Variants in EHBP1 observed in about 807,000 individuals in gnomAD.
The protein encoded by EHBP1 is EH domain binding protein 1.
Under a neutral mutation model 144.0 loss-of-function variants are expected in EHBP1, and 55 were observed. The observed-to-expected ratio is 0.38, with a 90% CI of 0.31 to 0.48. The LOEUF (loss-of-function observed/expected upper bound fraction) is 0.48. Ranked by LOEUF, EHBP1 falls within the 20% of genes least tolerant of loss-of-function variation. The pLI, the probability that EHBP1 is intolerant of heterozygous loss-of-function variation, is 0.98. For synonymous variants in EHBP1, 469 were observed against 472.7 expected, an observed-to-expected ratio of 0.99 and a Z score of 0.10; for missense variants, 1,200 against 1,364.2, an observed-to-expected ratio of 0.88 and a Z score of 1.90.
intron 1 of EHBP1, among the ~76,000 whole-genome samples, chr2:62,686,837 A>G (rs2033734502): frequency 6.6e-6 from 1 of 152,256 alleles, no homozygotes; most frequent in Non-Finnish European, 1.5e-5. Context: ...AAAGTTGTCA[A>G]AAGACCCTGG....
chr2:62,715,021 C>T (rs901519720), intron 2 of EHBP1, among the ~76,000 whole-genome samples: 1 of 152,102 alleles, frequency 6.6e-6, no homozygotes, highest in African/African-American at 2.4e-5. Context: ...CTTAATTTCT[C>T]CAAAGTAGAA....
At chr2:62,964,812 A>C (rs2058167432) in intron 14 of EHBP1, 1 of 152,656 alleles carries the variant, frequency 6.6e-6, no homozygotes, top group Non-Finnish European at 1.5e-5. Context: ...TGGCAATGTA[A>C]ACCACATCCC....
At chr2:62,948,193 G>C (rs1453652554) in intron 12 of EHBP1, 67 bp from the exon 13 acceptor site, 9 of 1,355,152 alleles carry the variant, frequency 6.6e-6, no homozygotes, top group Non-Finnish European at 8.8e-6. Flanking sequence ...TTAAAAATGT[G>C]CTCTTTTTAA....
At chr2:62,896,839 C>A (rs969391910) in intron 10 of EHBP1, among the ~76,000 whole-genome samples, 1 of 152,078 alleles carries the variant, frequency 6.6e-6, no homozygotes, top group African/African-American at 2.4e-5. Context: ...TCCTTTGAAA[C>A]CTCTCTGGTT....
intron 15 of EHBP1, chr2:62,987,779 G>A (rs548623824): frequency 2.4e-5 from 11 of 461,826 alleles, no homozygotes; most frequent in African/African-American, 1.4e-4. Flanking sequence ...TAGTGAAAGA[G>A]TGACTTAAAA....
intron 1 of EHBP1, among the ~76,000 whole-genome samples, chr2:62,689,497 G>A (rs556638302): frequency 1.7e-4 from 26 of 152,198 alleles, no homozygotes; most frequent in African/African-American, 6.3e-4. Flanking sequence ...ACAAAAATTA[G>A]CCGGGCATTG....
At chr2:62,713,051 C>G (rs926302580) in intron 2 of EHBP1, among the ~76,000 whole-genome samples, 1 of 151,946 alleles carries the variant, frequency 6.6e-6, no homozygotes, top group Non-Finnish European at 1.5e-5. Context: ...TATTCCTATT[C>G]CTTGTTAGAG....
chr2:62,767,892 A>C (rs762020397), intron 4 of EHBP1, among the ~76,000 whole-genome samples: 1 of 151,870 alleles, frequency 6.6e-6, no homozygotes, highest in Non-Finnish European at 1.5e-5. Context: ...ATGCATTTAC[A>C]TGGAAATTAA....
intron 6 of EHBP1, among the ~76,000 whole-genome samples, chr2:62,826,974 G>A (rs1271035688): frequency 2.0e-5 from 3 of 152,214 alleles, no homozygotes; most frequent in African/African-American, 7.2e-5. Context: ...GTACCTACAT[G>A]GAGTGGAAGA....
chr2:62,711,998 T>TG (rs899454204), intron 2 of EHBP1, among the ~76,000 whole-genome samples: 9 of 152,152 alleles, frequency 5.9e-5, no homozygotes, highest in African/African-American at 2.2e-4. Context: ...AGGTAATACT[T>TG]GGAGAGAGAC....
intron 7 of EHBP1, among the ~76,000 whole-genome samples, chr2:62,834,827 G>A (rs561889488): frequency 2.4e-4 from 37 of 152,214 alleles, no homozygotes; most frequent in African/African-American, 6.3e-4. Flanking sequence ...TATGGAGGGC[G>A]CACTTTTCAT....
chr2:62,818,905 A>C (rs2045655673), intron 5 of EHBP1, among the ~76,000 whole-genome samples: 1 of 152,230 alleles, frequency 6.6e-6, no homozygotes, highest in Non-Finnish European at 1.5e-5. Context: ...ATTGTACTTT[A>C]GTAAATTTGA....
chr2:62,732,173 T>A (rs189671), intron 2 of EHBP1, among the ~76,000 whole-genome samples: 48,371 of 152,036 alleles, frequency 0.32, 7,743 homozygotes, highest in Middle Eastern at 0.44. Flanking sequence ...TTGTGTTTGA[T>A]TTTCTGTAGT....
intron 19 of EHBP1, among the ~76,000 whole-genome samples, chr2:63,002,344 T>C (rs1195673971): frequency 6.6e-6 from 1 of 152,182 alleles, no homozygotes; most frequent in Non-Finnish European, 1.5e-5. Flanking sequence ...AGTAGATATA[T>C]ATGTACACTT....
intron 19 of EHBP1, among the ~76,000 whole-genome samples, chr2:63,020,882 T>C (rs1008230140): frequency 2.0e-5 from 3 of 151,828 alleles, no homozygotes; most frequent in Non-Finnish European, 4.4e-5. Context: ...TTCACCATGT[T>C]GGCCAGGATG....
intron 1 of EHBP1, among the ~76,000 whole-genome samples, chr2:62,683,619 A>C (rs1442913026): frequency 1.4e-5 from 2 of 139,176 alleles, no homozygotes; most frequent in Non-Finnish European, 3.0e-5. Flanking sequence ...AGATCGCGCC[A>C]CTGCACTCCA....
At chr2:63,024,214 G>A (rs866241498) in intron 19 of EHBP1, among the ~76,000 whole-genome samples, 2 of 152,078 alleles carry the variant, frequency 1.3e-5, no homozygotes, top group Non-Finnish European at 2.9e-5. Flanking sequence ...CGTGGTGGCA[G>A]GTGCCTGTAA....
intron 10 of EHBP1, among the ~76,000 whole-genome samples, chr2:62,919,338 G>A (rs932368386): frequency 6.6e-6 from 1 of 152,120 alleles, no homozygotes; most frequent in Non-Finnish European, 1.5e-5. Context: ...TTGGGAGACA[G>A]GCATTGAAGA....
intron 1 of EHBP1, among the ~76,000 whole-genome samples, chr2:62,684,674 A>C (rs1262516121): frequency 3.9e-5 from 6 of 152,208 alleles, no homozygotes; most frequent in Admixed American, 6.5e-5. Context: ...GTATTTTTTC[A>C]TGCTAAAAAA....
Sources: gnomAD v4.1 joint callset for allele counts (sites outside exome capture counted in the v4.1 genomes callset) on GRCh38, gnomAD v4.1.1 for gene constraint, MANE v1.5 for transcripts, NCBI Gene and HGNC (gene_info 2026-07-23, HGNC 2026-07-21) for gene names.